AATF: variants seen among roughly 807,000 people sequenced by gnomAD.
AATF encodes apoptosis antagonizing transcription factor.
In AATF, 48 loss-of-function variants were observed where a neutral mutation model predicts 63.7. The observed-to-expected ratio is 0.75, with a 90% confidence interval of 0.60 to 0.96. The LOEUF (loss-of-function observed/expected upper bound fraction) is 0.96, where lower values mean the gene tolerates loss of function less well. AATF is among the 40% of genes least tolerant of loss of function. The pLI, the probability that AATF is intolerant of heterozygous loss-of-function variation, is 0.00. For missense variants in AATF, 639 were observed against 685.7 expected, an observed-to-expected ratio of 0.93 and a Z score of 0.76; for synonymous variants, 258 against 247.7, an observed-to-expected ratio of 1.04 and a Z score of -0.39.
intron 11 of AATF, among the ~76,000 whole-genome samples, chr17:37,047,930 G>A (rs1283049029): frequency 2.0e-5 from 3 of 152,208 alleles, no homozygotes; most frequent in East Asian, 3.8e-4. Context: ...CTTGTATCTA[G>A]ATTTAGGTAA....
At chr17:37,033,382 G>C (rs770803160) in intron 11 of AATF, among the ~76,000 whole-genome samples, 2 of 152,128 alleles carry the variant, frequency 1.3e-5, no homozygotes, top group East Asian at 3.8e-4. Context: ...TTAAGGTTAC[G>C]TTATTATCCC....
In AATF at chr17:36,961,964, G is replaced by T. The variant is rs569433505; in HGVS notation, c.832+8057G>T. Among the ~76,000 whole-genome samples the T allele has an allele frequency of 5.9e-5, 9 of 152,136 alleles. No homozygotes were observed. In the South Asian group the frequency reaches 1.5e-3, roughly 25 times the overall value. On this transcript the variant is annotated intron_variant, in intron 4 of 11. Transcript: ENST00000619387. ...TGCTGGGATTACAGGCGTGAGCCAC[G>T]GTGCTGGGCCTTGTACATTGTTTTT... is the stretch of plus-strand genomic sequence containing the variant.
intron 8 of AATF, chr17:36,999,304 A>T (rs188366845): frequency 3.3e-5 from 5 of 152,302 alleles, no homozygotes; most frequent in Admixed American, 3.3e-4. Flanking sequence ...CATTCAACAA[A>T]TATTTGAGTA....
At chr17:36,959,724 C>G (rs922564132) in intron 4 of AATF, among the ~76,000 whole-genome samples, 1 of 152,072 alleles carries the variant, frequency 6.6e-6, no homozygotes, top group Non-Finnish European at 1.5e-5. Flanking sequence ...CAGTGAGCAC[C>G]ATGTTTCATT....
At chr17:37,046,151 A>C (rs1190161707) in intron 11 of AATF, among the ~76,000 whole-genome samples, 4 of 152,038 alleles carry the variant, frequency 2.6e-5, no homozygotes, top group Non-Finnish European at 5.9e-5. Context: ...GTTGTGTGGG[A>C]TGTGAATAAA....
At chr17:36,974,671 A>T (rs574584856) in intron 4 of AATF, among the ~76,000 whole-genome samples, 2 of 152,268 alleles carry the variant, frequency 1.3e-5, no homozygotes, top group African/African-American at 2.4e-5. Flanking sequence ...CATCTTTGTC[A>T]CTTTGACAAG....
At chr17:36,989,196 C>G (rs746561646) in intron 6 of AATF, 51 bp from the exon 7 acceptor site, 1 of 1,550,914 alleles carries the variant, frequency 6.4e-7, no homozygotes, top group Non-Finnish European at 8.8e-7. Flanking sequence ...ATGTAGCTTG[C>G]CTTCAGCACT....
chr17:36,999,407 T>A (rs2071277778), intron 8 of AATF, among the ~76,000 whole-genome samples: 1 of 152,210 alleles, frequency 6.6e-6, no homozygotes, highest in Non-Finnish European at 1.5e-5. Flanking sequence ...TTTTGATTAA[T>A]TTAAATAGTA....
intron 4 of AATF, among the ~76,000 whole-genome samples, chr17:36,981,678 TTTC>T (rs756781425): frequency 1.3e-4 from 20 of 150,534 alleles, no homozygotes; most frequent in East Asian, 5.8e-4. Flanking sequence ...TTCTTTCTTC[TTTC>T]TTCTTCTTCT....
At chr17:36,957,288 T>C (rs180907081) in intron 4 of AATF, among the ~76,000 whole-genome samples, 228 of 152,278 alleles carry the variant, frequency 1.5e-3, no homozygotes, top group African/African-American at 5.1e-3. Context: ...ACATAATCAA[T>C]AGAAAGCATT....
chr17:37,015,370 G>T (rs1402824557), intron 8 of AATF, among the ~76,000 whole-genome samples: 1 of 152,192 alleles, frequency 6.6e-6, no homozygotes, highest in Non-Finnish European at 1.5e-5. Context: ...CACAGTTCTG[G>T]AGGTTGTAAA....
At chr17:36,960,570 TCC>T in intron 4 of AATF, among the ~76,000 whole-genome samples, 1 of 152,228 alleles carries the variant, frequency 6.6e-6, no homozygotes. Context: ...ATCACTGAAA[TCC>T]CCCCCTTTTA....
At chr17:37,009,298 A>AT (rs34957243) in intron 8 of AATF, among the ~76,000 whole-genome samples, 13,384 of 128,556 alleles carry the variant, frequency 0.1, 2,098 homozygotes, top group African/African-American at 0.35. Flanking sequence ...TGCCCGGCTA[A>AT]TTTTTTTTTT....
intron 2 of AATF, among the ~76,000 whole-genome samples, chr17:36,952,473 CTG>C (rs1235686543): frequency 6.6e-6 from 1 of 152,230 alleles, no homozygotes; most frequent in African/African-American, 2.4e-5. Flanking sequence ...TTTGGGAAAA[CTG>C]GTAATTCTCT....
chr17:37,001,163 A>G (rs1053426809), intron 8 of AATF, among the ~76,000 whole-genome samples: 1 of 151,980 alleles, frequency 6.6e-6, no homozygotes, highest in African/African-American at 2.4e-5. Flanking sequence ...TATAAAAAGC[A>G]AAAAAACTAT....
chr17:37,020,843 T>C, intron 9 of AATF, 91 bp from the exon 10 acceptor site: 3 of 1,027,038 alleles, frequency 2.9e-6, no homozygotes, highest in Non-Finnish European at 4.2e-6. Context: ...ATGATTTCTT[T>C]CTGCAGGGTT....
chr17:37,025,211 C>CT (rs1345943630), intron 10 of AATF, among the ~76,000 whole-genome samples: 1 of 151,950 alleles, frequency 6.6e-6, no homozygotes, highest in East Asian at 1.9e-4. Flanking sequence ...AGGAGAACAT[C>CT]TTTTTTGTTG....
intron 11 of AATF, chr17:37,052,899 C>G (rs1001879269): frequency 2.6e-5 from 4 of 152,216 alleles, no homozygotes; most frequent in African/African-American, 9.7e-5. Context: ...TCACTTCCAG[C>G]AGAATCGCTG....
chr17:36,950,323 G>A lies in AATF; in HGVS notation c.201G>A (p.Thr67=), dbSNP rs770908683. Reference sequence around the variant, plus strand: ...TGGCATCAGCCTCCCTCTTGGACACGGACAAAAGGTATTGCGGCAAAACCA... The same window carrying A: ...TGGCATCAGCCTCCCTCTTGGACACAGACAAAAGGTATTGCGGCAAAACCA... ...RKLASASLLD[T]DKRYCGKTTS... Residue 67 remains threonine (T), a synonymous_variant, in exon 2 of 12, where the codon ACG becomes ACA. Transcript: ENST00000619387. The A allele has an allele frequency of 1.2e-6, 2 of 1,614,116 alleles. No homozygotes were observed. Among genetic ancestry groups the A allele is most frequent in the East Asian group, 2.2e-5 (1 of 44,884 alleles).
Sources: gnomAD v4.1 joint callset for allele counts (sites outside exome capture counted in the v4.1 genomes callset) on GRCh38, gnomAD v4.1.1 for gene constraint, MANE v1.5 for transcripts, NCBI Gene and HGNC (gene_info 2026-07-23, HGNC 2026-07-21) for gene names.